SLC36A1: variants seen among roughly 807,000 people sequenced by gnomAD.
SLC36A1 encodes the protein proton-coupled amino acid transporter 1.
A neutral mutation model predicts 47.5 loss-of-function variants in SLC36A1; 30 were observed. The ratio of observed to expected loss-of-function variants is 0.63; its 90% CI spans 0.47 to 0.86. The LOEUF (loss-of-function observed/expected upper bound fraction) is 0.86, where lower values mean the gene tolerates loss of function less well. Ranked by LOEUF, SLC36A1 falls within the 40% of genes least tolerant of loss-of-function variation. The pLI is 0.00. For missense variants in SLC36A1, 517 were observed against 606.0 expected (o/e 0.85, Z 1.54); for synonymous variants, 255 against 249.7 (o/e 1.02, Z -0.20).
At chr5:151,455,810 A>C (rs1691969826) in intron 1 of SLC36A1, among the ~76,000 whole-genome samples, 1 of 152,224 alleles carries the variant, frequency 6.6e-6, no homozygotes, top group Non-Finnish European at 1.5e-5. Flanking sequence ...AAAAGCGAAC[A>C]AGGAGAGGAC....
chr5:151,493,646 A>G (rs866026003), downstream of SLC36A1, among the ~76,000 whole-genome samples: 3 of 152,236 alleles, frequency 2.0e-5, no homozygotes, highest in Admixed American at 6.5e-5. Flanking sequence ...CGTTGTCATT[A>G]TCATTTCTGG....
chr5:151,509,126 A>G, the SLC36A1 span, among the ~76,000 whole-genome samples: 1,872 of 152,258 alleles, frequency 0.012, 40 homozygotes, highest in African/African-American at 0.043. Context: ...GCACAGCAGC[A>G]CCTGCCCAAG....
At chr5:151,543,885 C>T in the SLC36A1 span, 1 of 1,614,038 alleles carries the variant, frequency 6.2e-7, no homozygotes, top group African/African-American at 1.3e-5. Flanking sequence ...TCAGGTACTC[C>T]AGGCGGGAGG....
intron 1 of SLC36A1, among the ~76,000 whole-genome samples, chr5:151,457,758 A>G (rs1363099687): frequency 1.3e-5 from 2 of 152,144 alleles, no homozygotes; most frequent in Non-Finnish European, 2.9e-5. Flanking sequence ...AGAGAGAAAG[A>G]GAACGGCATG....
chr5:151,528,614 T>C, the SLC36A1 span, among the ~76,000 whole-genome samples: 2 of 151,902 alleles, frequency 1.3e-5, no homozygotes, highest in Admixed American at 6.6e-5. Context: ...GCAGACGATG[T>C]TTTGGGGAAA....
the SLC36A1 span, chr5:151,505,494 CT>C: frequency 6.3e-7 from 1 of 1,586,650 alleles, no homozygotes; most frequent in South Asian, 1.1e-5. Context: ...AACTCACCCC[CT>C]ACGAGACAGG....
At chr5:151,444,491 A>AT (rs1297947920), upstream of SLC36A1, among the ~76,000 whole-genome samples, 1 of 151,762 alleles carries the variant, frequency 6.6e-6, no homozygotes, top group Non-Finnish European at 1.5e-5. Flanking sequence ...AATATTATTG[A>AT]TTTTTTAATT....
chr5:151,543,326 CTT>C, the SLC36A1 span: 1 of 1,614,178 alleles, frequency 6.2e-7, no homozygotes, highest in South Asian at 1.1e-5. Flanking sequence ...ACCGGAGAGT[CTT>C]TACTGACATT....
chr5:151,366,478 C>A, the SLC36A1 span: 1 of 293,916 alleles, frequency 3.4e-6, no homozygotes, highest in Admixed American at 4.4e-5. Context: ...CACCAAAAAT[C>A]CCACAAAGCC....
chr5:151,509,803 C>A, the SLC36A1 span: 2 of 537,228 alleles, frequency 3.7e-6, no homozygotes, highest in East Asian at 2.8e-5. Context: ...AAACCATCTC[C>A]CGTTTCTCCT....
At chr5:151,536,791 A>C in the SLC36A1 span, among the ~76,000 whole-genome samples, 1 of 152,166 alleles carries the variant, frequency 6.6e-6, no homozygotes, top group African/African-American at 2.4e-5. Flanking sequence ...CCTTGAGATC[A>C]TGTTCTTGGC....
the SLC36A1 span, chr5:151,511,522 A>G: frequency 6.6e-6 from 1 of 152,482 alleles, no homozygotes; most frequent in Non-Finnish European, 1.5e-5. Context: ...TCACAAGGAG[A>G]CATATAGGAG....
At chr5:151,533,393 A>AAAAC in the SLC36A1 span, among the ~76,000 whole-genome samples, 19,661 of 131,958 alleles carry the variant, frequency 0.15, 1,648 homozygotes, top group East Asian at 0.25. Flanking sequence ...TGTTATCTCC[A>AAAAC]ACACACACAC....
At chr5:151,406,097 T>C in the SLC36A1 span, among the ~76,000 whole-genome samples, 1 of 152,074 alleles carries the variant, frequency 6.6e-6, no homozygotes, top group Non-Finnish European at 1.5e-5. Flanking sequence ...GCATTAGGAG[T>C]GCCCCCTCCA....
At chr5:151,451,858 T>C (rs908643086) in intron 1 of SLC36A1, among the ~76,000 whole-genome samples, 11 of 152,050 alleles carry the variant, frequency 7.2e-5, no homozygotes, top group Admixed American at 3.3e-4. Flanking sequence ...CGCAGGGAGA[T>C]TTTAAGGAGG....
chr5:151,504,788 C>T, the SLC36A1 span: 4 of 152,612 alleles, frequency 2.6e-5, no homozygotes, highest in African/African-American at 9.7e-5. Flanking sequence ...AATTCTTTAA[C>T]AAAGAAGGTT....
At chr5:151,459,928 C>T (rs1755257064) in intron 2 of SLC36A1, 1 of 152,254 alleles carries the variant, frequency 6.6e-6, no homozygotes, top group Non-Finnish European at 1.5e-5. Flanking sequence ...ACATTCCTGG[C>T]CCGTCACCAC....
At chr5:151,397,689 G>A in the SLC36A1 span, among the ~76,000 whole-genome samples, 10 of 147,338 alleles carry the variant, frequency 6.8e-5, no homozygotes, top group South Asian at 2.2e-4. Context: ...GCTTGAATCC[G>A]GGAGGCAGAA....
the SLC36A1 span, among the ~76,000 whole-genome samples, chr5:151,386,509 T>A: frequency 6.6e-6 from 1 of 152,152 alleles, no homozygotes; most frequent in South Asian, 2.1e-4. Flanking sequence ...TGTGTGGACA[T>A]CTGTTGCTTT....
Sources: allele counts gnomAD v4.1 joint callset (sites outside exome capture counted in the v4.1 genomes callset), GRCh38; gene constraint gnomAD v4.1.1; transcripts MANE v1.5; gene names NCBI Gene and HGNC (gene_info 2026-07-23, HGNC 2026-07-21).